Variants in DENND4C observed in about 807,000 individuals in gnomAD.
DENND4C encodes the protein DENN domain containing 4C.
In DENND4C, 108 loss-of-function variants were observed where a neutral mutation model predicts 203.0. The observed-to-expected ratio is 0.53, with a 90% CI of 0.46 to 0.62. DENND4C has a LOEUF of 0.62. Among genes scored for constraint, DENND4C ranks in the 20% least tolerant of loss-of-function variants. The pLI is 0.00. For missense variants in DENND4C, 2,481 were observed against 2,301.2 expected (o/e 1.08, Z -1.60); for synonymous variants, 871 against 792.4 (o/e 1.10, Z -1.67).
intron 1 of DENND4C, among the ~76,000 whole-genome samples, chr9:19,266,100 C>A (rs1830440849): frequency 6.6e-6 from 1 of 152,204 alleles, no homozygotes; most frequent in South Asian, 2.1e-4. Context: ...TATTTCTCCA[C>A]ATCCTCTCCA....
At chr9:19,253,298 C>G (rs539283390) in intron 1 of DENND4C, among the ~76,000 whole-genome samples, 1 of 152,352 alleles carries the variant, frequency 6.6e-6, no homozygotes, top group South Asian at 2.1e-4. Context: ...TGCATTCTCT[C>G]TAGTTCCCAC....
intron 1 of DENND4C, among the ~76,000 whole-genome samples, chr9:19,235,362 G>C (rs1191303109): frequency 6.6e-6 from 1 of 152,198 alleles, no homozygotes; most frequent in African/African-American, 2.4e-5. Context: ...CAAGGTGAAA[G>C]GCTGTAGATG....
intron 16 of DENND4C, among the ~76,000 whole-genome samples, chr9:19,331,671 T>C (rs1819227497): frequency 6.6e-6 from 1 of 152,238 alleles, no homozygotes; most frequent in South Asian, 2.1e-4. Context: ...GAGTTCCTTC[T>C]TTGTAAAAGA....
intron 25 of DENND4C, 92 bp downstream of exon 25, chr9:19,352,274 G>A: frequency 2.4e-6 from 3 of 1,231,734 alleles, no homozygotes; most frequent in South Asian, 1.4e-5. Context: ...ATACCCTTGT[G>A]GACAGTATAA....
At position 19,370,397 on chromosome 9, in the gene DENND4C, T is replaced by G. The variant is rs563601365; in HGVS notation, c.5675+410T>G. On this transcript the variant is annotated intron_variant, in intron 31 of 32. Coordinates refer to ENST00000434457, the MANE Select transcript of DENND4C (RefSeq NM_001330640.2). ...TGAGCCCAGGAGGTCCAGGTTACAG[T>G]CAGCTGTGATCACACCGCTGCACTG... Among the ~76,000 whole-genome samples the G allele has an allele frequency of 2.0e-5, 3 of 151,932 alleles. No individual in the cohort carries two copies. The South Asian group carries it at 6.2e-4, about 32-fold the overall frequency.
At chr9:19,304,809 A>G (rs1054388294) in intron 9 of DENND4C, among the ~76,000 whole-genome samples, 3 of 151,058 alleles carry the variant, frequency 2.0e-5, no homozygotes, top group Admixed American at 2.0e-4. Context: ...TTGGCCTCCC[A>G]AAGTGCTGGG....
At chr9:19,335,231 A>AC in intron 18 of DENND4C, 126 bp downstream of exon 18, 1 of 479,980 alleles carries the variant, frequency 2.1e-6, no homozygotes, top group Admixed American at 4.4e-5. Context: ...TAATTTTTAT[A>AC]ATTATTAAAA....
At position 19,372,226 on chromosome 9, in the gene DENND4C, T is replaced by A; in HGVS notation, c.*53T>A. ...CAAGGCTTGGGGATTAGATTTCATC[T>A]GGAAACATTCAAGTTTTTTTTTCCA... On this transcript the variant is annotated 3_prime_UTR_variant, in exon 33 of 33. Coordinates refer to ENST00000434457, the MANE Select transcript of DENND4C (RefSeq NM_001330640.2). 6.4e-7 allele frequency: 1 copy of A among 1,560,496 alleles called. No individual in the cohort carries two copies. The highest frequency in any genetic ancestry group is 8.7e-7 in the Non-Finnish European group (1 of 1,155,350).
At chr9:19,244,004 G>A (rs558404513) in intron 1 of DENND4C, among the ~76,000 whole-genome samples, 1 of 151,996 alleles carries the variant, frequency 6.6e-6, no homozygotes, top group African/African-American at 2.4e-5. Context: ...TGTATAGTCA[G>A]GGTCTTACTG....
chr9:19,344,436 T>C (rs1471254433), intron 22 of DENND4C, among the ~76,000 whole-genome samples: 2 of 152,164 alleles, frequency 1.3e-5, no homozygotes, highest in Non-Finnish European at 2.9e-5. Flanking sequence ...ATTGAGGCTG[T>C]AGTGAGCCAT....
In DENND4C at chr9:19,346,442, A is replaced by G; in HGVS notation, c.3673A>G (p.Lys1225Glu). ...GTCCAGAGACTTGAAAACAGTATCC[A>G]AAGATCTGAGGAATAAGAGAAGTAG... ...NQSRDLKTVSKDLRNKRSSLY... is the reference protein window; with the variant it reads ...NQSRDLKTVSEDLRNKRSSLY... The change falls in exon 23 of 33, where the codon AAA becomes GAA. Residue 1225 changes from lysine to glutamate, a missense_variant. Coordinates refer to ENST00000434457, the MANE Select transcript of DENND4C (RefSeq NM_001330640.2). 1 of 1,614,194 alleles carries G rather than the reference A, an allele frequency of 6.2e-7. No homozygotes were observed. Among genetic ancestry groups the G allele is most frequent in the Non-Finnish European group, 8.5e-7 (1 of 1,180,034 alleles).
chr9:19,292,132 C>G (rs1418798345), intron 5 of DENND4C: 1 of 152,014 alleles, frequency 6.6e-6, no homozygotes, highest in East Asian at 1.9e-4. Flanking sequence ...TCAAGTGATT[C>G]TCCTGCCTCA....
At chr9:19,268,767 C>T (rs557885318) in intron 1 of DENND4C, among the ~76,000 whole-genome samples, 2 of 152,218 alleles carry the variant, frequency 1.3e-5, no homozygotes, top group East Asian at 3.9e-4. Context: ...TACACTCTCT[C>T]CTAGCCTGTA....
intron 1 of DENND4C, among the ~76,000 whole-genome samples, chr9:19,254,869 T>C (rs1352857168): frequency 2.0e-5 from 3 of 152,148 alleles, no homozygotes; most frequent in Non-Finnish European, 4.4e-5. Flanking sequence ...TGGGGGCTCG[T>C]GCCTGTAACC....
chr9:19,248,120 G>C lies in DENND4C; in HGVS notation c.-18+17287G>C, dbSNP rs181856389. Among the ~76,000 whole-genome samples, 7 of 152,144 alleles carry C rather than the reference G, an allele frequency of 4.6e-5. No homozygotes were observed. In the East Asian group the frequency reaches 1.4e-3, roughly 29 times the overall value. On this transcript the variant is annotated intron_variant, in intron 1 of 32. Transcript: ENST00000434457. ...TGGTAACATGTCACTCTCATTTGAA[G>C]GCCCCTCATAGTTTTTCATCATATT...
rs113296664 is a variant in DENND4C, at chr9:19,362,273, C to CAAACA, written c.5524+328_5524+332dup. Reference sequence around the variant, plus strand: ...TGGGTGTCAGAGCAAGATTGTATCTCAAACAAAACAAAACAAAACAAAGAG... The same window carrying CAAACA: ...TGGGTGTCAGAGCAAGATTGTATCTCAAACAAAACAAAACAAAACAAAACAAAGAG... On this transcript the variant is annotated intron_variant, in intron 30 of 32. Coordinates refer to ENST00000434457, the MANE Select transcript of DENND4C (RefSeq NM_001330640.2). Among the ~76,000 whole-genome samples, 34 of 152,038 alleles carry CAAACA rather than the reference C, an allele frequency of 2.2e-4. No individual in the cohort carries two copies. The East Asian group carries it at 2.3e-3, about 10-fold the overall frequency.
chr9:19,241,031 G>A (rs1432763152), intron 1 of DENND4C, among the ~76,000 whole-genome samples: 1 of 152,122 alleles, frequency 6.6e-6, no homozygotes, highest in Non-Finnish European at 1.5e-5. Context: ...AAAGATAAAC[G>A]TGGTACACCT....
chr9:19,372,181 T>G lies in DENND4C; in HGVS notation c.*8T>G, dbSNP rs1352397811. On this transcript the variant is annotated 3_prime_UTR_variant, in exon 33 of 33. Coordinates refer to ENST00000434457, the MANE Select transcript of DENND4C (RefSeq NM_001330640.2). ...GGAGCGCCTCTCATTTAAATAGAGA[T>G]TCACTAGAATGTTGACACACAAGGC... 1 of 1,603,282 alleles carries G rather than the reference T, an allele frequency of 6.2e-7. No individual in the cohort carries two copies. The highest frequency in any genetic ancestry group is 8.5e-7 in the Non-Finnish European group (1 of 1,175,680).
At chr9:19,332,280 A>G (rs1410872946) in intron 17 of DENND4C, 96 bp downstream of exon 17, 1 of 945,438 alleles carries the variant, frequency 1.1e-6, no homozygotes, top group Non-Finnish European at 1.7e-6. Flanking sequence ...GTGCTCAAGC[A>G]TTTTCATTAA....
Sources: gnomAD v4.1 joint callset for allele counts (sites outside exome capture counted in the v4.1 genomes callset) on GRCh38, gnomAD v4.1.1 for gene constraint, MANE v1.5 for transcripts, NCBI Gene and HGNC (gene_info 2026-07-23, HGNC 2026-07-21) for gene names.